The following ZC3H12B variants were observed in gnomAD, a reference collection of about 807,000 sequenced individuals.
The protein encoded by ZC3H12B is zinc finger CCCH-type containing 12B.
In ZC3H12B, 7 loss-of-function variants were observed where a neutral mutation model predicts 43.9. The ratio of observed to expected loss-of-function variants is 0.16; its 90% CI spans 0.09 to 0.30. The LOEUF (loss-of-function observed/expected upper bound fraction) is 0.30. Among genes scored for constraint, ZC3H12B ranks in the 10% least tolerant of loss-of-function variants. The pLI, the probability that ZC3H12B is intolerant of heterozygous loss-of-function variation, is 1.00. For missense variants in ZC3H12B, 475 were observed against 670.2 expected (o/e 0.71, Z 3.22); for synonymous variants, 222 against 241.7 (o/e 0.92, Z 0.76).
At chrX:65,075,124 G>A in the ZC3H12B span, among the ~76,000 whole-genome samples, 2 of 111,818 alleles carry the variant, frequency 1.8e-5, no homozygotes, top group African/African-American at 3.2e-5. Flanking sequence ...GAGATTTTGA[G>A]GTCCTCTGAG....
chrX:65,056,093 T>C, the ZC3H12B span, among the ~76,000 whole-genome samples: 1 of 111,934 alleles, frequency 8.9e-6, no homozygotes, highest in Admixed American at 9.5e-5. Flanking sequence ...ATCTCCTACA[T>C]TTCTACTCTG....
the ZC3H12B span, among the ~76,000 whole-genome samples, chrX:65,091,097 C>A: frequency 9.0e-6 from 1 of 111,455 alleles, no homozygotes; most frequent in East Asian, 2.8e-4. Context: ...ATAAATTATC[C>A]ACTCTCAGGT....
chrX:65,476,840 T>G (rs1037854846), intron 3 of ZC3H12B, among the ~76,000 whole-genome samples: 3 of 108,262 alleles, frequency 2.8e-5, no homozygotes, highest in African/African-American at 1.0e-4. Context: ...GAATTTTTTT[T>G]TTTTTTTGTC....
chrX:65,044,603 C>A, the ZC3H12B span, among the ~76,000 whole-genome samples: 1 of 110,614 alleles, frequency 9.0e-6, no homozygotes, highest in Non-Finnish European at 1.9e-5. Flanking sequence ...GCAGGGAGAC[C>A]AATTAAAGAG....
At chrX:65,249,391 G>C in the ZC3H12B span, among the ~76,000 whole-genome samples, 1 of 111,473 alleles carries the variant, frequency 9.0e-6, no homozygotes, top group Non-Finnish European at 1.9e-5. Flanking sequence ...TTACTTTTGG[G>C]TTCTCCACTT....
chrX:65,383,709 C>A (rs892568227), intron 2 of ZC3H12B, among the ~76,000 whole-genome samples: 2 of 110,823 alleles, frequency 1.8e-5, no homozygotes, highest in African/African-American at 6.6e-5. Context: ...ACTCATCTGA[C>A]AAAGGGCTAA....
At chrX:65,264,468 A>C in the ZC3H12B span, among the ~76,000 whole-genome samples, 1 of 111,971 alleles carries the variant, frequency 8.9e-6, no homozygotes, top group Non-Finnish European at 1.9e-5. Flanking sequence ...TTATTTACCT[A>C]ATTTTTATCT....
chrX:65,241,809 C>A, the ZC3H12B span, among the ~76,000 whole-genome samples: 1 of 111,649 alleles, frequency 9.0e-6, no homozygotes, highest in Middle Eastern at 4.2e-3. Flanking sequence ...GTGGGGCCTA[C>A]AAAACAACAC....
chrX:65,144,913 C>T, the ZC3H12B span, among the ~76,000 whole-genome samples: 1 of 111,556 alleles, frequency 9.0e-6, no homozygotes, highest in Non-Finnish European at 1.9e-5. Context: ...GGAGAAAGTT[C>T]CATGCGCTGT....
At chrX:65,088,885 A>G in the ZC3H12B span, among the ~76,000 whole-genome samples, 11 of 111,768 alleles carry the variant, frequency 9.8e-5, no homozygotes, top group Non-Finnish European at 1.3e-4. Context: ...GATTCTGAGC[A>G]AGTTACTTAA....
the ZC3H12B span, among the ~76,000 whole-genome samples, chrX:65,228,734 C>G: frequency 9.0e-5 from 10 of 111,571 alleles, no homozygotes; most frequent in Non-Finnish European, 1.7e-4. Flanking sequence ...TCTTATACAC[C>G]AATAACAGAC....
chrX:65,065,040 C>G, the ZC3H12B span, among the ~76,000 whole-genome samples: 1 of 110,563 alleles, frequency 9.0e-6, no homozygotes, highest in Non-Finnish European at 1.9e-5. Context: ...TGTGTCTTTG[C>G]ACATGAGATG....
the ZC3H12B span, among the ~76,000 whole-genome samples, chrX:65,035,299 C>T: frequency 4.5e-5 from 5 of 112,088 alleles, no homozygotes; most frequent in East Asian, 1.1e-3. Flanking sequence ...TCGCTCGGTT[C>T]TAGTGCGCCT....
At chrX:65,054,567 C>T in the ZC3H12B span, among the ~76,000 whole-genome samples, 6 of 111,630 alleles carry the variant, frequency 5.4e-5, no homozygotes, top group East Asian at 5.6e-4. Context: ...ATTGGCAATG[C>T]GGGCTCTTTT....
At chrX:65,412,609 G>A (rs942811303) in intron 3 of ZC3H12B, among the ~76,000 whole-genome samples, 7 of 110,613 alleles carry the variant, frequency 6.3e-5, no homozygotes, top group African/African-American at 2.3e-4. Context: ...CTGGGACTGC[G>A]GGAATACACC....
the ZC3H12B span, among the ~76,000 whole-genome samples, chrX:65,355,165 T>C: frequency 1.8e-5 from 2 of 111,017 alleles, no homozygotes; most frequent in Non-Finnish European, 3.8e-5. Flanking sequence ...GATCGTCAGA[T>C]TCACCAAGGT....
At chrX:65,481,199 A>G (rs760258057) in intron 3 of ZC3H12B, among the ~76,000 whole-genome samples, 2 of 111,597 alleles carry the variant, frequency 1.8e-5, no homozygotes, top group South Asian at 3.8e-4. Flanking sequence ...CTTTCCTGAT[A>G]AAACCAGCTC....
the ZC3H12B span, among the ~76,000 whole-genome samples, chrX:65,053,903 C>A: frequency 9.0e-6 from 1 of 110,864 alleles, no homozygotes. Context: ...GCATAAATGT[C>A]TTCTTTTGAG....
the ZC3H12B span, among the ~76,000 whole-genome samples, chrX:65,058,263 G>A: frequency 8.9e-6 from 1 of 111,787 alleles, no homozygotes; most frequent in African/African-American, 3.2e-5. Flanking sequence ...GGGTTTTGGT[G>A]TGGATGTCCT....
Sources: gnomAD v4.1 joint callset for allele counts (sites outside exome capture counted in the v4.1 genomes callset) on GRCh38, gnomAD v4.1.1 for gene constraint, MANE v1.5 for transcripts, NCBI Gene and HGNC (gene_info 2026-07-23, HGNC 2026-07-21) for gene names.